EPHA7: variants seen among roughly 807,000 people sequenced by gnomAD.
EPHA7 encodes EPH receptor A7.
A neutral mutation model predicts 112.6 loss-of-function variants in EPHA7; 25 were observed. The observed-to-expected ratio is 0.22, with a 90% CI of 0.16 to 0.31. The LOEUF (loss-of-function observed/expected upper bound fraction) is 0.31, where lower values mean the gene tolerates loss of function less well. EPHA7 is among the 10% of genes least tolerant of loss of function. The pLI is 1.00. For synonymous variants in EPHA7, 437 were observed against 406.5 expected, an observed-to-expected ratio of 1.07 and a Z score of -0.90; for missense variants, 962 against 1,212.6, an observed-to-expected ratio of 0.79 and a Z score of 3.07.
At chr6:93,311,820 T>C (rs1443843694) in intron 5 of EPHA7, among the ~76,000 whole-genome samples, 1 of 152,214 alleles carries the variant, frequency 6.6e-6, no homozygotes, top group East Asian at 1.9e-4. Flanking sequence ...ACTTGAAAGG[T>C]GAAATTACTC....
In EPHA7 at chr6:93,410,582, T is replaced by G; in HGVS notation, c.751A>C (p.Ser251Arg). Residue 251 changes from serine to arginine, a missense_variant, in exon 3 of 17, where the codon AGT becomes CGT. Ser to Arg is a moderately radical substitution (Grantham distance 110, BLOSUM62 -1). Coordinates refer to ENST00000369303, the MANE Select transcript of EPHA7 (RefSeq NM_004440.4). The surrounding 1 kb of genome is among the most constrained non-coding windows in gnomAD (Gnocchi z 4.0). ...EAENAPRMHC[S>R]AEGEWLVPIG... ...GGCACTAACCATTCTCCTTCTGCAC[T>G]GCAGTGCATCCTGGGGGCGTTTTCC... 1 of 1,614,084 alleles carries G rather than the reference T, an allele frequency of 6.2e-7. No individual in the cohort carries two copies. The highest frequency in any genetic ancestry group is 8.5e-7 in the Non-Finnish European group (1 of 1,179,970).
At chr6:93,255,689 A>T (rs1770411576) in intron 13 of EPHA7, 139 bp downstream of exon 13, 2 of 705,534 alleles carry the variant, frequency 2.8e-6, no homozygotes, top group Admixed American at 5.8e-5. Context: ...ACAAAAAACA[A>T]AAAACAAAAA....
At chr6:93,266,308 C>T (rs345723) in intron 7 of EPHA7, among the ~76,000 whole-genome samples, 21,800 of 151,334 alleles carry the variant, frequency 0.14, 1,925 homozygotes, top group African/African-American at 0.24. Flanking sequence ...TCCATTCAAC[C>T]GATGTGTCCC....
rs1245354915 is a variant in EPHA7 at position 93,240,496 on chromosome 6, A to C, written c.*2930T>G. On this transcript the variant is annotated 3_prime_UTR_variant, in exon 17 of 17. Coordinates refer to ENST00000369303, the MANE Select transcript of EPHA7 (RefSeq NM_004440.4). ...ATGATTCAACTAATAGTGCTCTGAC[A>C]AGCATAAACCACCAGTTCTAGTAAA... The C allele has an allele frequency of 4.7e-6, 1 of 214,724 alleles. No individual in the cohort carries two copies. Among genetic ancestry groups the C allele is most frequent in the Non-Finnish European group, 9.2e-6 (1 of 109,264 alleles). 13.3% of individuals were successfully genotyped at this position (214,724 alleles called of 1,614,324 possible).
intron 5 of EPHA7, among the ~76,000 whole-genome samples, chr6:93,351,053 A>G (rs1775667209): frequency 6.6e-6 from 1 of 152,048 alleles, no homozygotes; most frequent in South Asian, 2.1e-4. Context: ...CATTCTCCTT[A>G]GAAAAGCACT....
chr6:93,348,066 C>G (rs1775493291), intron 5 of EPHA7, among the ~76,000 whole-genome samples: 1 of 151,772 alleles, frequency 6.6e-6, no homozygotes, highest in Non-Finnish European at 1.5e-5. Flanking sequence ...TGCAGATCAA[C>G]TTGTCACCAT....
chr6:93,406,891 A>G (rs1379416793), intron 3 of EPHA7, among the ~76,000 whole-genome samples: 1 of 151,946 alleles, frequency 6.6e-6, no homozygotes, highest in Non-Finnish European at 1.5e-5. Context: ...AAATAACTAT[A>G]CTTTTTATCT....
At chr6:93,409,334 G>C (rs1326052625) in intron 3 of EPHA7, among the ~76,000 whole-genome samples, 1 of 151,916 alleles carries the variant, frequency 6.6e-6, no homozygotes, top group East Asian at 1.9e-4. Context: ...TTTAAGCTCA[G>C]ACAAATATTA....
In EPHA7 at chr6:93,416,800, GC is replaced by G. The variant is rs142016008; in HGVS notation, c.98-2034del. Reference sequence around the variant, plus strand: ...TGGGCCAACAGGTGATGGGAGAGGGGCTAGACTGGGGGCGCGCCCTGACAGA... The same window carrying G: ...TGGGCCAACAGGTGATGGGAGAGGGGTAGACTGGGGGCGCGCCCTGACAGA... On this transcript the variant is annotated intron_variant, in intron 1 of 16. Coordinates refer to ENST00000369303, the MANE Select transcript of EPHA7 (RefSeq NM_004440.4). Among the ~76,000 whole-genome samples, 965 of 152,216 alleles carry G rather than the reference GC, an allele frequency of 6.3e-3. 12 individuals are homozygous for G. Among genetic ancestry groups the G allele is most frequent in the African/African-American group, 0.022 (911 of 41,546 alleles).
chr6:93,317,172 T>C (rs745623367), intron 5 of EPHA7, among the ~76,000 whole-genome samples: 1 of 152,216 alleles, frequency 6.6e-6, no homozygotes, highest in Non-Finnish European at 1.5e-5. Flanking sequence ...GTAAGTGGTA[T>C]GTTTGCCTAG....
rs980038747 is a variant in EPHA7, at chr6:93,419,506, C to T, written c.-165G>A. ...GTTTAGCTTTTTTTAATTTCCCCCCCACTCCTGTTCGCTCGCACCGTGTTT... is the reference window on the plus strand; with the variant it reads ...GTTTAGCTTTTTTTAATTTCCCCCCTACTCCTGTTCGCTCGCACCGTGTTT... On this transcript the variant is annotated 5_prime_UTR_variant, in exon 1 of 17. Coordinates refer to ENST00000369303, the MANE Select transcript of EPHA7 (RefSeq NM_004440.4). 15 of 588,694 alleles carry T rather than the reference C, an allele frequency of 2.5e-5. No individual in the cohort carries two copies. The highest frequency in any genetic ancestry group is 7.6e-5 in the African/African-American group (4 of 52,300). The allele number at this position is 588,694 out of a possible 1,614,324, so 36.5% of individuals were successfully genotyped here.
At chr6:93,385,751 A>C (rs973418618) in intron 3 of EPHA7, among the ~76,000 whole-genome samples, 2 of 152,152 alleles carry the variant, frequency 1.3e-5, no homozygotes, top group African/African-American at 4.8e-5. Flanking sequence ...ATAGATAGAT[A>C]ATTAGTCTAT....
intron 5 of EPHA7, among the ~76,000 whole-genome samples, chr6:93,332,740 A>C (rs934766872): frequency 7.2e-5 from 11 of 151,732 alleles, no homozygotes; most frequent in African/African-American, 2.4e-4. Context: ...TTTCAAATAA[A>C]CTGATATGAT....
At chr6:93,400,949 A>G (rs532548082) in intron 3 of EPHA7, among the ~76,000 whole-genome samples, 1 of 152,262 alleles carries the variant, frequency 6.6e-6, no homozygotes, top group East Asian at 1.9e-4. Flanking sequence ...TATCAGATTG[A>G]TATTATGCTT....
Position 93,259,368 on chromosome 6 carries a change from C to G in EPHA7, c.1910G>C (p.Arg637Pro). 1 of 1,611,780 alleles carries G rather than the reference C, an allele frequency of 6.2e-7. No individual in the cohort carries two copies. Residue 637 changes from arginine to proline, a missense_variant, in exon 10 of 17, where the codon CGT (arginine) becomes CCT (proline). By Grantham distance (103) the Arg-to-Pro change is moderately radical. Coordinates refer to ENST00000369303, the MANE Select transcript of EPHA7 (RefSeq NM_004440.4). ...AATAGCCTTACCTGCACCAATCACACGCTCAATTTTAATACAGGAGGCATC... is the reference window on the plus strand; with the variant it reads ...AATAGCCTTACCTGCACCAATCACAGGCTCAATTTTAATACAGGAGGCATC... ...ELDASCIKIE[R>P]VIGAGEFGEV...
At chr6:93,285,775 A>G (rs1772032521) in intron 5 of EPHA7, among the ~76,000 whole-genome samples, 1 of 152,218 alleles carries the variant, frequency 6.6e-6, no homozygotes, top group Non-Finnish European at 1.5e-5. Context: ...ATCTCCAGCC[A>G]GCAAGAAATA....
intron 3 of EPHA7, among the ~76,000 whole-genome samples, chr6:93,405,448 C>G (rs948590226): frequency 6.6e-6 from 1 of 151,638 alleles, no homozygotes; most frequent in Non-Finnish European, 1.5e-5. Flanking sequence ...GGATATTTAA[C>G]TATTTGTGGC....
chr6:93,340,784 T>C (rs1775100076), intron 5 of EPHA7, among the ~76,000 whole-genome samples: 1 of 151,964 alleles, frequency 6.6e-6, no homozygotes, highest in Admixed American at 6.6e-5. Flanking sequence ...ATCCATATTA[T>C]ATGTCTTCAA....
At chr6:93,344,904 T>C (rs1019410383) in intron 5 of EPHA7, among the ~76,000 whole-genome samples, 1 of 151,580 alleles carries the variant, frequency 6.6e-6, no homozygotes, top group Non-Finnish European at 1.5e-5. Flanking sequence ...TTTTAAATTA[T>C]ACCTCCACTC....
Sources: allele counts gnomAD v4.1 joint callset (sites outside exome capture counted in the v4.1 genomes callset), GRCh38; gene constraint gnomAD v4.1.1; non-coding constraint Gnocchi (gnomAD v3.1); transcripts MANE v1.5; gene names NCBI Gene and HGNC (gene_info 2026-07-23, HGNC 2026-07-21).